Variants in SOX30 observed in about 807,000 individuals in gnomAD.
The protein encoded by SOX30 is transcription factor SOX-30.
A neutral mutation model predicts 58.6 loss-of-function variants in SOX30; 17 were observed. That is an observed-to-expected ratio of 0.29 (90% CI 0.20 to 0.44). The LOEUF (loss-of-function observed/expected upper bound fraction) is 0.44. Among genes scored for constraint, SOX30 ranks in the 20% least tolerant of loss-of-function variants. The pLI is 1.00. For synonymous variants in SOX30, 421 were observed against 400.2 expected, an observed-to-expected ratio of 1.05 and a Z score of -0.62; for missense variants, 951 against 965.8, an observed-to-expected ratio of 0.98 and a Z score of 0.20.
At chr5:157,635,917 G>A (rs1758916089) in intron 4 of SOX30, among the ~76,000 whole-genome samples, 1 of 152,182 alleles carries the variant, frequency 6.6e-6, no homozygotes, top group Non-Finnish European at 1.5e-5. Flanking sequence ...AAGTCTTACT[G>A]ATATAGTAAA....
At chr5:157,636,715 C>T (rs946776341) in intron 4 of SOX30, among the ~76,000 whole-genome samples, 1 of 152,044 alleles carries the variant, frequency 6.6e-6, no homozygotes. Context: ...TGTAGGTATA[C>T]CCTAATGGGA....
chr5:157,651,494 C>T lies in SOX30; in HGVS notation c.585G>A (p.Ser195=). 6.2e-7 allele frequency: 1 copy of T among 1,613,416 alleles called. No individual in the cohort carries two copies. Among genetic ancestry groups the T allele is most frequent in the Non-Finnish European group, 8.5e-7 (1 of 1,180,004 alleles). The change falls in exon 1 of 5, where the codon TCG becomes TCA. Residue 195 remains serine, a synonymous_variant. Coordinates refer to ENST00000265007, the MANE Select transcript of SOX30 (RefSeq NM_178424.2). The part of the protein sequence containing the change: ...KLEAEEVMRD[S]MQGGAGKSPA... ...GGCTTTTGCCTGCCCCGCCTTGCATCGAGTCTCTCATGACCTCCTCCGCCT... is the reference window on the plus strand; with the variant it reads ...GGCTTTTGCCTGCCCCGCCTTGCATTGAGTCTCTCATGACCTCCTCCGCCT...
At chr5:157,653,688 A>G (rs1010953544), upstream of SOX30, among the ~76,000 whole-genome samples, 6 of 152,080 alleles carry the variant, frequency 3.9e-5, no homozygotes, top group East Asian at 5.8e-4. Context: ...GCCAAAAACT[A>G]TAGTTTATCT....
chr5:157,658,746 G>A (rs1442588635), intron 2 of SOX30, among the ~76,000 whole-genome samples: 1 of 152,206 alleles, frequency 6.6e-6, no homozygotes, highest in East Asian at 1.9e-4. Context: ...ATAAAAGGGA[G>A]GGGGTAATGT....
At chr5:157,658,402 C>A (rs1393559297) in intron 2 of SOX30, among the ~76,000 whole-genome samples, 1 of 152,188 alleles carries the variant, frequency 6.6e-6, no homozygotes, top group Non-Finnish European at 1.5e-5. Context: ...GCAATTTAGG[C>A]TAACCCTGCT....
In SOX30 at chr5:157,651,498, T is replaced by G. The variant is rs1044989231; in HGVS notation, c.581A>C (p.Asp194Ala). ...TTTGCCTGCCCCGCCTTGCATCGAGTCTCTCATGACCTCCTCCGCCTCCAG... is the reference window on the plus strand; with the variant it reads ...TTTGCCTGCCCCGCCTTGCATCGAGGCTCTCATGACCTCCTCCGCCTCCAG... Reference protein sequence around the residue: ...GKLEAEEVMRDSMQGGAGKSP... With the variant: ...GKLEAEEVMRASMQGGAGKSP... Residue 194 changes from aspartate (D) to alanine (A), a missense_variant, in exon 1 of 5, where the codon GAC becomes GCC. Around this residue, in one of 7 missense-constraint regions of SOX30, gnomAD observed 363 missense variants for 294.5 expected, o/e 1.23. Coordinates refer to ENST00000265007, the MANE Select transcript of SOX30 (RefSeq NM_178424.2). 32 of 1,613,082 alleles carry G rather than the reference T, an allele frequency of 2.0e-5. No homozygotes were observed. In the East Asian group the frequency reaches 7.1e-4, roughly 36 times the overall value.
chr5:157,662,496 C>A (rs912534017), intron 2 of SOX30, among the ~76,000 whole-genome samples: 14 of 152,144 alleles, frequency 9.2e-5, no homozygotes, highest in African/African-American at 3.1e-4. Context: ...TATTGCTTTA[C>A]CTGCATTAAT....
intron 2 of SOX30, among the ~76,000 whole-genome samples, chr5:157,663,584 T>C (rs983947062): frequency 3.8e-4 from 58 of 152,092 alleles, no homozygotes; most frequent in Admixed American, 1.4e-3. Context: ...TTCAACATAG[T>C]GTTGGAAGTT....
intron 4 of SOX30, among the ~76,000 whole-genome samples, chr5:157,628,293 C>T (rs1441949363): frequency 1.3e-5 from 2 of 151,364 alleles, no homozygotes; most frequent in Non-Finnish European, 2.9e-5. Context: ...CATCTAGTGA[C>T]AGATAACATA....
chr5:157,648,942 AC>A, intron 1 of SOX30, 46 bp from the exon 2 acceptor site: 2 of 1,548,488 alleles, frequency 1.3e-6, no homozygotes, highest in Admixed American at 1.8e-5. Flanking sequence ...CCATACACAC[AC>A]ACACACACAA....
At chr5:157,636,936 T>C (rs34415919) in intron 4 of SOX30, among the ~76,000 whole-genome samples, 2,415 of 152,168 alleles carry the variant, frequency 0.016, 28 homozygotes, top group Non-Finnish European at 0.028. Context: ...AAGACCAGCC[T>C]GACCAACATG....
At chr5:157,646,341 T>C (rs1759193184) in intron 3 of SOX30, among the ~76,000 whole-genome samples, 1 of 152,330 alleles carries the variant, frequency 6.6e-6, no homozygotes, top group African/African-American at 2.4e-5. Flanking sequence ...TCCTTTTTCC[T>C]ATTGAATTAC....
chr5:157,655,008 T>C (rs538733005), upstream of SOX30, among the ~76,000 whole-genome samples: 2 of 152,330 alleles, frequency 1.3e-5, no homozygotes, highest in Admixed American at 1.3e-4. Flanking sequence ...TCACTTTACT[T>C]TATGGACTCG....
In SOX30 at chr5:157,652,168, G is replaced by C; in HGVS notation, c.-90C>G. 1 of 1,373,134 alleles carries C rather than the reference G, an allele frequency of 7.3e-7. No homozygotes were observed. Among genetic ancestry groups the C allele is most frequent in the Non-Finnish European group, 9.3e-7 (1 of 1,072,070 alleles). The allele number at this position is 1,373,134 out of a possible 1,614,324, so 85.1% of individuals were successfully genotyped here. ...CCCTTTCGGTTAAGAGCCTTGCAAG[G>C]CCTTTGCTACCCAGAACCCTACGCG... On this transcript the variant is annotated 5_prime_UTR_variant, in exon 1 of 5. Coordinates refer to ENST00000265007, the MANE Select transcript of SOX30 (RefSeq NM_178424.2).
chr5:157,646,789 T>C lies in SOX30; in HGVS notation c.1235A>G (p.Lys412Arg). 3 of 1,614,048 alleles carry C rather than the reference T, an allele frequency of 1.9e-6. No individual in the cohort carries two copies. Among genetic ancestry groups the C allele is most frequent in the East Asian group, 2.2e-5 (1 of 44,870 alleles). ...AACACTTAGAGGGAATCGTTTTCGC[T>C]TCCCTGGACGAGGCTGATAAACCCA... ...PGWVYQPRPG[K>R]RKRFPLSVSN... Residue 412 changes from lysine to arginine, a missense_variant, in exon 3 of 5, where the codon AAG (lysine) becomes AGG (arginine). Around this residue, in one of 7 missense-constraint regions of SOX30, gnomAD observed 57 missense variants for 104.0 expected, o/e 0.55. Transcript: ENST00000265007.
At chr5:157,637,747 A>C (rs971834639) in intron 4 of SOX30, among the ~76,000 whole-genome samples, 17 of 151,766 alleles carry the variant, frequency 1.1e-4, no homozygotes, top group African/African-American at 4.1e-4. Context: ...GGCTGCAGTG[A>C]AGTTGGTGTG....
chr5:157,633,389 C>T (rs995636991), intron 4 of SOX30, among the ~76,000 whole-genome samples: 11 of 152,192 alleles, frequency 7.2e-5, no homozygotes, highest in Admixed American at 7.2e-4. Flanking sequence ...TGAAAATCAT[C>T]TCCAGGACCA....
chr5:157,643,256 C>T (rs1040505695), intron 3 of SOX30, among the ~76,000 whole-genome samples: 8 of 151,970 alleles, frequency 5.3e-5, no homozygotes, highest in Non-Finnish European at 1.2e-4. Context: ...TGAAACCCTA[C>T]TAAAACTACA....
chr5:157,631,420 T>G (rs537309279), intron 4 of SOX30, among the ~76,000 whole-genome samples: 35 of 152,326 alleles, frequency 2.3e-4, no homozygotes, highest in African/African-American at 7.9e-4. Flanking sequence ...TGCTCTTGGG[T>G]GCAGTTAAAT....
Sources: gnomAD v4.1 joint callset for allele counts (sites outside exome capture counted in the v4.1 genomes callset) on GRCh38, gnomAD v4.1.1 for gene constraint, gnomAD v4.1.1 regional missense constraint, MANE v1.5 for transcripts, NCBI Gene and HGNC (gene_info 2026-07-23, HGNC 2026-07-21) for gene names.